The following SLC25A42 variants were observed in gnomAD, a reference collection of about 807,000 sequenced individuals.
SLC25A42 encodes solute carrier family 25 member 42.
Under a neutral mutation model 34.7 loss-of-function variants are expected in SLC25A42, and 19 were observed. The observed-to-expected ratio is 0.55, with a 90% CI of 0.38 to 0.80. SLC25A42 has a LOEUF of 0.80. Among genes scored for constraint, SLC25A42 ranks in the 30% least tolerant of loss-of-function variants. The pLI, the probability that SLC25A42 is intolerant of heterozygous loss-of-function variation, is 0.00. For missense variants in SLC25A42, 364 were observed against 441.3 expected, an observed-to-expected ratio of 0.82 and a Z score of 1.57; for synonymous variants, 205 against 191.2, an observed-to-expected ratio of 1.07 and a Z score of -0.59.
At chr19:19,064,482 C>T (rs1251436634) in intron 1 of SLC25A42, among the ~76,000 whole-genome samples, 1 of 140,816 alleles carries the variant, frequency 7.1e-6, no homozygotes, top group Non-Finnish European at 1.5e-5. Context: ...CCCCACATCA[C>T]CTGAGTCTGT....
Position 19,096,083 on chromosome 19 carries a change from C to T in SLC25A42, c.-34-8C>T. 1.3e-6 allele frequency: 2 copies of T among 1,564,348 alleles called. No homozygotes were observed. Among genetic ancestry groups the T allele is most frequent in the Admixed American group, 1.7e-5 (1 of 59,600 alleles). ...GCCGTATCTTACCACCTCCCCTTACCCCCCCAGGACCGAGTCTCCTGCCAT... is the reference window on the plus strand; with the variant it reads ...GCCGTATCTTACCACCTCCCCTTACTCCCCCAGGACCGAGTCTCCTGCCAT... On this transcript the variant is annotated splice_region_variant and splice_polypyrimidine_tract_variant and intron_variant, in intron 1 of 7. Transcript: ENST00000318596.
chr19:19,089,601 C>A (rs1599676487), intron 1 of SLC25A42, among the ~76,000 whole-genome samples: 1 of 151,144 alleles, frequency 6.6e-6, no homozygotes, highest in South Asian at 2.1e-4. Flanking sequence ...GGTGTGGTAG[C>A]TCACACCTGT....
intron 3 of SLC25A42, among the ~76,000 whole-genome samples, chr19:19,103,308 T>C (rs1599687458): frequency 6.6e-6 from 1 of 152,132 alleles, no homozygotes; most frequent in Non-Finnish European, 1.5e-5. Context: ...TTGGCCCCGC[T>C]GGTCTTGAAT....
intron 1 of SLC25A42, among the ~76,000 whole-genome samples, chr19:19,086,256 C>A (rs767007407): frequency 2.1e-4 from 32 of 152,166 alleles, no homozygotes; most frequent in Non-Finnish European, 3.8e-4. Flanking sequence ...GCCTCAGCCT[C>A]CTGAGTAGCT....
At chr19:19,108,118 C>A in intron 7 of SLC25A42, 73 bp downstream of exon 7, 2 of 1,495,046 alleles carry the variant, frequency 1.3e-6, no homozygotes, top group South Asian at 2.7e-5. Flanking sequence ...CCACCTGGGT[C>A]ACATAGACCT....
intron 3 of SLC25A42, among the ~76,000 whole-genome samples, chr19:19,103,305 C>T (rs944429208): frequency 7.2e-5 from 11 of 152,014 alleles, no homozygotes; most frequent in Non-Finnish European, 1.6e-4. Context: ...ACGTTGGCCC[C>T]GCTGGTCTTG....
intron 1 of SLC25A42, among the ~76,000 whole-genome samples, chr19:19,070,904 C>G (rs1204233832): frequency 6.6e-6 from 1 of 151,992 alleles, no homozygotes; most frequent in Non-Finnish European, 1.5e-5. Flanking sequence ...ATGTTGGCAG[C>G]TTTGCTTACT....
chr19:19,092,889 G>A (rs2059745305), intron 1 of SLC25A42, among the ~76,000 whole-genome samples: 2 of 152,156 alleles, frequency 1.3e-5, no homozygotes, highest in African/African-American at 4.8e-5. Context: ...GTCAGACATG[G>A]CTGATTGTTG....
chr19:19,084,596 G>A (rs1036979678), intron 1 of SLC25A42, among the ~76,000 whole-genome samples: 1 of 152,166 alleles, frequency 6.6e-6, no homozygotes, highest in Non-Finnish European at 1.5e-5. Flanking sequence ...TCCCCTTTCC[G>A]GGAGGTGGAG....
rs1247066044 is a variant in SLC25A42, at chr19:19,096,148, C to G, written c.24C>G (p.Gly8=). 6.2e-7 allele frequency: 1 copy of G among 1,613,892 alleles called. No individual in the cohort carries two copies. Residue 8 remains glycine (G), a synonymous_variant, in exon 2 of 8, where the codon GGC becomes GGG. Transcript: ENST00000318596. ...GTATGGGTAATGGTGTGAAGGAAGG[C>G]CCGGTGCGATTGCATGAGGATGCTG... The part of the protein sequence containing the change: MGNGVKE[G]PVRLHEDAEA...
chr19:19,109,981 A>G lies in SLC25A42; in HGVS notation c.650-588A>G, dbSNP rs931721026. 5.3e-5 allele frequency among the ~76,000 whole-genome samples: 8 copies of G among 152,122 alleles called. No individual in the cohort carries two copies. Among genetic ancestry groups the G allele is most frequent in the Non-Finnish European group, 1.2e-4 (8 of 68,024 alleles). ...AATGTTCCTTTACTAGACGTGGAGT[A>G]GAGCTGATTAGATGTGAGCAGTGGC... On this transcript the variant is annotated intron_variant, in intron 7 of 7. Coordinates refer to ENST00000318596, the MANE Select transcript of SLC25A42 (RefSeq NM_178526.5). The surrounding 1 kb of genome is among the most constrained non-coding windows in gnomAD (Gnocchi z 4.1).
At chr19:19,072,364 G>A (rs1160278895) in intron 1 of SLC25A42, among the ~76,000 whole-genome samples, 1 of 152,144 alleles carries the variant, frequency 6.6e-6, no homozygotes, top group Non-Finnish European at 1.5e-5. Context: ...GAATGGGGAG[G>A]TTTATTTTTT....
intron 1 of SLC25A42, among the ~76,000 whole-genome samples, chr19:19,078,656 C>T (rs1040750257): frequency 2.0e-5 from 3 of 152,158 alleles, no homozygotes; most frequent in African/African-American, 7.2e-5. Flanking sequence ...TTCCAAGTAA[C>T]CTAGTAGGGA....
At chr19:19,076,273 C>T (rs1191447918) in intron 1 of SLC25A42, among the ~76,000 whole-genome samples, 2 of 151,544 alleles carry the variant, frequency 1.3e-5, no homozygotes, top group African/African-American at 4.9e-5. Context: ...GACCAGCCTG[C>T]CCAACATGGT....
chr19:19,093,705 T>G (rs2059749991), intron 1 of SLC25A42, among the ~76,000 whole-genome samples: 1 of 152,048 alleles, frequency 6.6e-6, no homozygotes, highest in Non-Finnish European at 1.5e-5. Flanking sequence ...CGAGACAGAG[T>G]CTCGCTGTGT....
chr19:19,073,046 AC>A (rs2059638754), intron 1 of SLC25A42, among the ~76,000 whole-genome samples: 1 of 152,116 alleles, frequency 6.6e-6, no homozygotes, highest in South Asian at 2.1e-4. Flanking sequence ...CACATGCTAG[AC>A]CCCATCATCC....
chr19:19,069,263 C>G (rs915918851), intron 1 of SLC25A42, among the ~76,000 whole-genome samples: 1 of 152,204 alleles, frequency 6.6e-6, no homozygotes, highest in Non-Finnish European at 1.5e-5. Flanking sequence ...TCTCTGCTGG[C>G]CAGATTTTCT....
At chr19:19,098,534 TG>T (rs5827430) in intron 2 of SLC25A42, among the ~76,000 whole-genome samples, 117,113 of 152,004 alleles carry the variant, frequency 0.77, 45,695 homozygotes, top group East Asian at 0.91. Context: ...AGGTCATGGC[TG>T]CAGTGAGCTA....
At chr19:19,089,284 T>C (rs566280964) in intron 1 of SLC25A42, among the ~76,000 whole-genome samples, 14 of 152,038 alleles carry the variant, frequency 9.2e-5, no homozygotes, top group Non-Finnish European at 1.6e-4. Flanking sequence ...TCCCAGTACT[T>C]TGGGAGGCTG....
Sources: gnomAD v4.1 joint callset for allele counts (sites outside exome capture counted in the v4.1 genomes callset) on GRCh38, gnomAD v4.1.1 for gene constraint, Gnocchi (gnomAD v3.1) non-coding constraint, MANE v1.5 for transcripts, NCBI Gene and HGNC (gene_info 2026-07-23, HGNC 2026-07-21) for gene names.